Variants in CADPS2 observed in about 807,000 individuals in gnomAD.
The protein encoded by CADPS2 is calcium-dependent secretion activator 2.
CADPS2 carries 93 observed loss-of-function variants against 172.5 expected under a neutral mutation model. The observed-to-expected ratio is 0.54, with a 90% CI of 0.46 to 0.64. The LOEUF (loss-of-function observed/expected upper bound fraction) is 0.64. Ranked by LOEUF, CADPS2 falls within the 30% of genes least tolerant of loss-of-function variation. The probability of loss-of-function intolerance (pLI) is 0.00; values close to 1 mark genes in which losing one functional copy is unlikely to be tolerated. For missense variants in CADPS2, 1,420 were observed against 1,565.9 expected (o/e 0.91, Z 1.57); for synonymous variants, 546 against 555.2 (o/e 0.98, Z 0.23).
chr7:122,604,121 C>A (rs939928920), intron 6 of CADPS2, among the ~76,000 whole-genome samples: 1 of 152,050 alleles, frequency 6.6e-6, no homozygotes, highest in Non-Finnish European at 1.5e-5. Flanking sequence ...ACTTCCTTAT[C>A]TTTCATTCAA....
chr7:122,393,000 T>C (rs991135415), intron 22 of CADPS2, among the ~76,000 whole-genome samples, 196 bp downstream of exon 22: 1 of 152,150 alleles, frequency 6.6e-6, no homozygotes, highest in African/African-American at 2.4e-5. Context: ...GCGTGTTTTT[T>C]CTTTTTAATT....
intron 6 of CADPS2, among the ~76,000 whole-genome samples, chr7:122,608,009 G>A (rs539219589): frequency 6.6e-6 from 1 of 152,018 alleles, no homozygotes; most frequent in Non-Finnish European, 1.5e-5. Flanking sequence ...ACGAGGTCAA[G>A]AGATCAAGAC....
At chr7:122,619,948 G>C (rs1284457229) in intron 5 of CADPS2, among the ~76,000 whole-genome samples, 2 of 152,134 alleles carry the variant, frequency 1.3e-5, no homozygotes, top group African/African-American at 4.8e-5. Context: ...CTGACACTAA[G>C]TTTAATCCAT....
chr7:122,660,015 G>T (rs1017841373), intron 3 of CADPS2, among the ~76,000 whole-genome samples: 1 of 152,130 alleles, frequency 6.6e-6, no homozygotes, highest in Non-Finnish European at 1.5e-5. Context: ...GTTCTTCAGA[G>T]ATAAGGAAAA....
chr7:122,656,888 C>A (rs189148113), intron 3 of CADPS2, among the ~76,000 whole-genome samples: 1 of 152,204 alleles, frequency 6.6e-6, no homozygotes, highest in African/African-American at 2.4e-5. Context: ...TTGCCCATGC[C>A]TATGTCCTGA....
chr7:122,575,177 G>GC (rs2067844845), intron 7 of CADPS2, among the ~76,000 whole-genome samples: 4 of 136,154 alleles, frequency 2.9e-5, no homozygotes, highest in African/African-American at 1.2e-4. Flanking sequence ...TATAATAAAA[G>GC]TAAAAAAAAA....
At chr7:122,778,983 C>G (rs945170231) in intron 1 of CADPS2, among the ~76,000 whole-genome samples, 1 of 152,064 alleles carries the variant, frequency 6.6e-6, no homozygotes. Flanking sequence ...TTTTCCCATG[C>G]TCTTCTTGTG....
At chr7:122,344,982 T>C (rs1236964202) in intron 28 of CADPS2, among the ~76,000 whole-genome samples, 6 of 152,158 alleles carry the variant, frequency 3.9e-5, no homozygotes, top group African/African-American at 1.2e-4. Context: ...AATGAACTGA[T>C]GGCAAGAATG....
intron 8 of CADPS2, among the ~76,000 whole-genome samples, chr7:122,528,378 T>C (rs538554178): frequency 2.8e-4 from 43 of 152,308 alleles, no homozygotes; most frequent in African/African-American, 9.1e-4. Flanking sequence ...ATAAAAGCAA[T>C]GTTTCTAAAG....
At position 122,321,095 on chromosome 7, in the gene CADPS2, C is replaced by G. The variant is rs2032367663; in HGVS notation, c.3718-757G>C. ...TGATTTTCAAGACAACAAAATCCAA[C>G]AATATTTTTCTGTGGCACTTAAAAT... On this transcript the variant is annotated intron_variant, in intron 29 of 29. Transcript: ENST00000449022. Among the ~76,000 whole-genome samples, 15 of 152,292 alleles carry G rather than the reference C, an allele frequency of 9.8e-5. 2 individuals carry two copies. In the South Asian group the frequency reaches 3.1e-3, roughly 32 times the overall value.
In CADPS2 at chr7:122,737,952, T is replaced by C. The variant is rs117541457; in HGVS notation, c.340-884A>G. On this transcript the variant is annotated intron_variant, in intron 1 of 29. Transcript: ENST00000449022. ...CCATGAACAAACATACATCAATACC[T>C]GAGTTTAGATAATTGAAGGAATAAT... is the stretch of plus-strand genomic sequence containing the variant. Among the ~76,000 whole-genome samples, 190 of 152,076 alleles carry C rather than the reference T, an allele frequency of 1.2e-3. 1 individual carries two copies. In the East Asian group the frequency reaches 0.013, roughly 11 times the overall value.
At chr7:122,580,319 G>T (rs1045766216) in intron 7 of CADPS2, among the ~76,000 whole-genome samples, 1 of 151,978 alleles carries the variant, frequency 6.6e-6, no homozygotes, top group Non-Finnish European at 1.5e-5. Context: ...GCCAGGCAAG[G>T]TGGTATGTGC....
intron 9 of CADPS2, among the ~76,000 whole-genome samples, chr7:122,494,940 G>A (rs759910492): frequency 4.5e-4 from 69 of 151,708 alleles, no homozygotes; most frequent in Non-Finnish European, 7.4e-4. Context: ...GTGTTAAAAG[G>A]TATAATTGTG....
intron 1 of CADPS2, among the ~76,000 whole-genome samples, chr7:122,876,792 T>C (rs1821334327): frequency 6.6e-6 from 1 of 152,142 alleles, no homozygotes; most frequent in Non-Finnish European, 1.5e-5. Context: ...TTTTCTGAAA[T>C]CGTGCAATTA....
At chr7:122,565,616 G>C (rs370474828) in intron 7 of CADPS2, among the ~76,000 whole-genome samples, 29 of 152,172 alleles carry the variant, frequency 1.9e-4, no homozygotes, top group African/African-American at 6.7e-4. Context: ...CTCATACAAC[G>C]CATATAATAC....
intron 12 of CADPS2, among the ~76,000 whole-genome samples, chr7:122,475,734 T>A (rs923060892): frequency 3.9e-5 from 6 of 152,086 alleles, no homozygotes; most frequent in Non-Finnish European, 8.8e-5. Flanking sequence ...AGAATCACAC[T>A]AAAAAATGAT....
Position 122,387,097 on chromosome 7 carries a change from T to C in CADPS2, c.3241A>G (p.Thr1081Ala), listed in dbSNP as rs907862191. Residue 1081 changes from threonine (T) to alanine (A), a missense_variant, in exon 24 of 30, where the codon ACT becomes GCT. Coordinates refer to ENST00000449022, the MANE Select transcript of CADPS2 (RefSeq NM_017954.11). The part of the protein sequence containing the change: ...TDLRIPASVC[T>A]MFNVLVDAKK... Reference sequence around the variant, plus strand: ...GCATCGACTAATACATTAAACATAGTGCAAACGGAAGCTGGAATGCGCAAG... The same window carrying C: ...GCATCGACTAATACATTAAACATAGCGCAAACGGAAGCTGGAATGCGCAAG... 5 of 1,567,290 alleles carry C rather than the reference T, an allele frequency of 3.2e-6. No homozygotes were observed. The highest frequency in any genetic ancestry group is 3.8e-5 in the Admixed American group (2 of 53,242).
chr7:122,812,378 T>A, intron 1 of CADPS2, among the ~76,000 whole-genome samples: 2 of 146,736 alleles, frequency 1.4e-5, no homozygotes. Flanking sequence ...CTTTTTAAGG[T>A]GGAAATCATA....
At chr7:122,519,882 G>A (rs2060649458) in intron 8 of CADPS2, among the ~76,000 whole-genome samples, 1 of 151,648 alleles carries the variant, frequency 6.6e-6, no homozygotes, top group South Asian at 2.1e-4. Context: ...TAAAGGAAAT[G>A]GCCAGTCCTT....
Sources: gnomAD v4.1 joint callset for allele counts (sites outside exome capture counted in the v4.1 genomes callset) on GRCh38, gnomAD v4.1.1 for gene constraint, MANE v1.5 for transcripts, NCBI Gene and HGNC (gene_info 2026-07-23, HGNC 2026-07-21) for gene names.